BAALC: variants seen among roughly 807,000 people sequenced by gnomAD.
BAALC encodes the protein brain and acute leukemia cytoplasmic protein.
A neutral mutation model predicts 15.5 loss-of-function variants in BAALC; 9 were observed. The ratio of observed to expected loss-of-function variants is 0.58; its 90% CI spans 0.35 to 1.02. The LOEUF (loss-of-function observed/expected upper bound fraction) is 1.02. Ranked by LOEUF, BAALC falls within the 50% of genes least tolerant of loss-of-function variation. BAALC has a pLI of 0.02. For missense variants in BAALC, 201 were observed against 192.4 expected, an observed-to-expected ratio of 1.04 and a Z score of -0.27; for synonymous variants, 80 against 74.6, an observed-to-expected ratio of 1.07 and a Z score of -0.37.
intron 1 of BAALC, among the ~76,000 whole-genome samples, chr8:103,151,518 C>T (rs1201332924): frequency 6.6e-6 from 1 of 152,176 alleles, no homozygotes; most frequent in Non-Finnish European, 1.5e-5. Flanking sequence ...TTGCACCAGG[C>T]TTGTCATGCC....
At chr8:103,150,626 T>G (rs1329664734) in intron 1 of BAALC, among the ~76,000 whole-genome samples, 1 of 152,234 alleles carries the variant, frequency 6.6e-6, no homozygotes, top group Non-Finnish European at 1.5e-5. Flanking sequence ...TTACAAATGA[T>G]GCCAGCTTCT....
chr8:103,174,477 C>T (rs1811564505), intron 1 of BAALC, among the ~76,000 whole-genome samples: 2 of 152,194 alleles, frequency 1.3e-5, no homozygotes, highest in Non-Finnish European at 2.9e-5. Flanking sequence ...TGGGACTCTG[C>T]TGCAAGGATG....
At chr8:103,184,571 C>T (rs148880708) in intron 1 of BAALC, among the ~76,000 whole-genome samples, 8 of 152,304 alleles carry the variant, frequency 5.3e-5, no homozygotes, top group East Asian at 1.9e-4. Context: ...TAGCTGGTGA[C>T]GACAGAACTC....
chr8:103,147,693 G>A (rs1045703711), intron 1 of BAALC, among the ~76,000 whole-genome samples: 4 of 152,100 alleles, frequency 2.6e-5, no homozygotes, highest in African/African-American at 4.8e-5. Flanking sequence ...ACCTGTTCTC[G>A]GACAATGGTG....
chr8:103,205,652 G>A (rs1219255955), intron 1 of BAALC, among the ~76,000 whole-genome samples: 1 of 152,138 alleles, frequency 6.6e-6, no homozygotes, highest in African/African-American at 2.4e-5. Context: ...TTGTTAAGAT[G>A]CATATTCCTG....
rs181495109 is a variant in BAALC at position 103,176,363 on chromosome 8, C to A, written c.160+35306C>A. Reference sequence around the variant, plus strand: ...CAGAATATAATAGTGACAAAAAAACCCAAAAATTCTTGCCCTCATGCTTAA... The same window carrying A: ...CAGAATATAATAGTGACAAAAAAACACAAAAATTCTTGCCCTCATGCTTAA... On this transcript the variant is annotated intron_variant, in intron 1 of 2. Transcript: ENST00000309982. 4.4e-3 allele frequency among the ~76,000 whole-genome samples: 667 copies of A among 151,918 alleles called. 1 individual carries two copies. The highest frequency in any genetic ancestry group is 0.013 in the East Asian group (66 of 5,180).
chr8:103,201,446 A>G (rs1484856224), intron 1 of BAALC, among the ~76,000 whole-genome samples: 1 of 108,722 alleles, frequency 9.2e-6, no homozygotes, highest in Non-Finnish European at 2.0e-5. Context: ...CTGAGTAAGA[A>G]GGTGAGATCT....
At chr8:103,209,513 T>C (rs1283082651) in intron 1 of BAALC, among the ~76,000 whole-genome samples, 3 of 152,144 alleles carry the variant, frequency 2.0e-5, no homozygotes, top group Non-Finnish European at 4.4e-5. Context: ...GTCTCTACCT[T>C]GGTCTTGTGC....
chr8:103,218,452 G>A (rs571140334), intron 2 of BAALC, among the ~76,000 whole-genome samples: 1 of 152,056 alleles, frequency 6.6e-6, no homozygotes, highest in Non-Finnish European at 1.5e-5. Flanking sequence ...CAGCGCTGTA[G>A]TTGCTTGTCT....
intron 2 of BAALC, 61 bp from the exon 3 acceptor site, chr8:103,227,927 CT>C (rs1812842065): frequency 8.5e-7 from 1 of 1,178,954 alleles, no homozygotes; most frequent in Non-Finnish European, 1.2e-6. Context: ...TGAGACTTGC[CT>C]CGGTCATTTT....
In BAALC at chr8:103,230,062, TG is replaced by T. The variant is rs1423842506; in HGVS notation, c.*1964del. The T allele has an allele frequency of 1.3e-5, 2 of 152,198 alleles. No homozygotes were observed. The highest frequency in any genetic ancestry group is 4.8e-5 in the African/African-American group (2 of 41,438). 9.4% of individuals were successfully genotyped at this position (152,198 alleles called of 1,614,324 possible). A position where few individuals can be genotyped will look rare whatever the true frequency, so the allele number is the denominator to read the frequency against. On this transcript the variant is annotated 3_prime_UTR_variant, in exon 3 of 3. Transcript: ENST00000309982. ...ATTTATCACCTTAAGAAAGTGTCTC[TG>T]TTTTATATAGAAACACTTTCTCACT... is the stretch of plus-strand genomic sequence containing the variant.
chr8:103,143,191 G>A (rs1047610375), intron 1 of BAALC, among the ~76,000 whole-genome samples: 5 of 152,018 alleles, frequency 3.3e-5, no homozygotes, highest in Non-Finnish European at 5.9e-5. Context: ...AGTCAGAATG[G>A]GTCATCCGTG....
chr8:103,227,195 G>A (rs1290292000), intron 2 of BAALC, among the ~76,000 whole-genome samples: 5 of 152,124 alleles, frequency 3.3e-5, no homozygotes, highest in African/African-American at 1.2e-4. Flanking sequence ...GTGTGTGTGT[G>A]TATTTGTGAT....
chr8:103,180,575 G>T (rs1405594518), intron 1 of BAALC, among the ~76,000 whole-genome samples: 1 of 152,184 alleles, frequency 6.6e-6, no homozygotes, highest in Non-Finnish European at 1.5e-5. Flanking sequence ...TCAAGCCCTT[G>T]CCTCGTTCCT....
chr8:103,171,268 A>G (rs374885244), intron 1 of BAALC, among the ~76,000 whole-genome samples: 8 of 141,176 alleles, frequency 5.7e-5, no homozygotes, highest in Middle Eastern at 3.5e-3. Context: ...AAAGGAAAGA[A>G]GAGAAAAAGA....
At chr8:103,157,749 G>A (rs1280782891) in intron 1 of BAALC, among the ~76,000 whole-genome samples, 1 of 152,186 alleles carries the variant, frequency 6.6e-6, no homozygotes, top group Non-Finnish European at 1.5e-5. Flanking sequence ...AGAGGTTACA[G>A]TGAGTTGAAA....
At chr8:103,186,899 T>C (rs1312652859) in intron 1 of BAALC, among the ~76,000 whole-genome samples, 1 of 152,188 alleles carries the variant, frequency 6.6e-6, no homozygotes, top group African/African-American at 2.4e-5. Flanking sequence ...GGTCTTTGGA[T>C]ATAAATGAGC....
At chr8:103,225,658 A>G (rs1012720988) in intron 2 of BAALC, among the ~76,000 whole-genome samples, 1 of 152,142 alleles carries the variant, frequency 6.6e-6, no homozygotes, top group African/African-American at 2.4e-5. Flanking sequence ...TGTACCCCCA[A>G]GAGGCTAAGG....
At chr8:103,200,851 G>T (rs893283813) in intron 1 of BAALC, 6 of 565,088 alleles carry the variant, frequency 1.1e-5, no homozygotes, top group African/African-American at 9.0e-5. Flanking sequence ...GCTTCCTAAA[G>T]GTCCTGCCTC....
Sources: gnomAD v4.1 joint callset for allele counts (sites outside exome capture counted in the v4.1 genomes callset) on GRCh38, gnomAD v4.1.1 for gene constraint, MANE v1.5 for transcripts, NCBI Gene and HGNC (gene_info 2026-07-23, HGNC 2026-07-21) for gene names.